The following MCF2L variants were observed in gnomAD, a reference collection of about 807,000 sequenced individuals.
The protein encoded by MCF2L is MCF.2 cell line derived transforming sequence like.
MCF2L carries 97 observed loss-of-function variants against 153.4 expected under a neutral mutation model. The ratio of observed to expected loss-of-function variants is 0.63; its 90% CI spans 0.54 to 0.75. MCF2L has a LOEUF of 0.75. MCF2L is among the 30% of genes least tolerant of loss of function. The pLI is 0.00. For missense variants in MCF2L, 1,347 were observed against 1,495.2 expected (o/e 0.90, Z 1.64); for synonymous variants, 659 against 632.2 (o/e 1.04, Z -0.64).
chr13:113,090,555 C>T, intron 26 of MCF2L: 6 of 985,190 alleles, frequency 6.1e-6, no homozygotes, highest in Non-Finnish European at 7.2e-6. Context: ...TCTTCTGGGG[C>T]ATCCACTAGT....
At chr13:112,968,436 C>T, upstream of MCF2L, 1 of 1,583,774 alleles carries the variant, frequency 6.3e-7, no homozygotes, top group Non-Finnish European at 8.5e-7. Flanking sequence ...CTGCGTGTGT[C>T]GAGTGCACAG....
At chr13:112,895,967 GGGGGGCCCCTCCCCT>G (rs1024730570) in intron 1 of MCF2L, among the ~76,000 whole-genome samples, 2 of 152,220 alleles carry the variant, frequency 1.3e-5, no homozygotes, top group African/African-American at 4.8e-5. Flanking sequence ...TGTGAAATGA[GGGGGGCCCCTCCCCT>G]GGGGGCCTGA....
chr13:113,088,017 T>A (rs144054391), intron 23 of MCF2L, among the ~76,000 whole-genome samples: 1 of 152,254 alleles, frequency 6.6e-6, no homozygotes, highest in Non-Finnish European at 1.5e-5. Context: ...AAACGGGCTC[T>A]CCCTCCCCAG....
At position 113,064,852 on chromosome 13, in the gene MCF2L, G is replaced by C. The variant is rs192102174; in HGVS notation, c.607-84G>C. On this transcript the variant is annotated intron_variant, in intron 6 of 29. Coordinates refer to ENST00000535094, the MANE Select transcript of MCF2L (RefSeq NM_001112732.3). This position sits in a 1 kb window ranked among gnomAD's most constrained non-coding sequence, Gnocchi z 6.0. ...TCACCTGATGGGTCTGTGTGGGAAC[G>C]GTTTCCGCCGGTGTCTGCTTTCAGG... 1 of 1,495,352 alleles carries C rather than the reference G, an allele frequency of 6.7e-7. No homozygotes were observed. The highest frequency in any genetic ancestry group is 9.1e-7 in the Non-Finnish European group (1 of 1,102,012). 92.6% of individuals were successfully genotyped at this position (1,495,352 alleles called of 1,614,324 possible).
intron 2 of MCF2L, chr13:112,910,535 A>G (rs531289878): frequency 6.6e-6 from 1 of 152,410 alleles, no homozygotes; most frequent in Non-Finnish European, 1.5e-5. Flanking sequence ...AACGATACAC[A>G]GTCTTCAATT....
Position 112,991,602 on chromosome 13 carries a change from A to G in MCF2L, c.79+22144A>G, listed in dbSNP as rs530352339. On this transcript the variant is annotated intron_variant, in intron 1 of 29. Transcript: ENST00000535094. ...TCAAAAATCTATCAGAAGTTTGCAA[A>G]TGATTTTATAAAGACAGACCCTCAA... Among the ~76,000 whole-genome samples the G allele has an allele frequency of 7.2e-5, 11 of 152,368 alleles. No homozygotes were observed. In the East Asian group the frequency reaches 2.1e-3, roughly 29 times the overall value.
chr13:113,061,757 T>C, intron 5 of MCF2L, among the ~76,000 whole-genome samples: 1 of 53,422 alleles, frequency 1.9e-5, no homozygotes, highest in African/African-American at 8.0e-5. Context: ...TCCCCTCCCT[T>C]CCCTCTCCCC....
At chr13:112,964,067 C>T (rs1242226199) in intron 2 of MCF2L, among the ~76,000 whole-genome samples, 2 of 147,456 alleles carry the variant, frequency 1.4e-5, no homozygotes, top group South Asian at 2.2e-4. Flanking sequence ...GAGGAGACGG[C>T]GTCCACTTGC....
intron 1 of MCF2L, among the ~76,000 whole-genome samples, chr13:113,005,070 G>A (rs370071539): frequency 3.9e-5 from 6 of 152,206 alleles, no homozygotes; most frequent in African/African-American, 9.6e-5. Flanking sequence ...CAGCCCACAC[G>A]TGGAATCGAC....
At position 113,097,258 on chromosome 13, in the gene MCF2L, C is replaced by T. The variant is rs1257389815; in HGVS notation, c.*399C>T. The T allele has an allele frequency of 5.4e-6, 1 of 184,398 alleles. No individual in the cohort carries two copies. The highest frequency in any genetic ancestry group is 2.3e-5 in the African/African-American group (1 of 42,614). 11.4% of individuals were successfully genotyped at this position (184,398 alleles called of 1,614,324 possible). On this transcript the variant is annotated 3_prime_UTR_variant, in exon 30 of 30. Coordinates refer to ENST00000535094, the MANE Select transcript of MCF2L (RefSeq NM_001112732.3). ...CTGAGGAGAGCGGGGCACGGGGTCT[C>T]TTTAGCTTTTACAAGTTTTAGGATT...
At position 113,035,889 on chromosome 13, in the gene MCF2L, C is replaced by T. The variant is rs1044898353; in HGVS notation, c.279-9382C>T. Among the ~76,000 whole-genome samples the T allele has an allele frequency of 5.3e-5, 8 of 152,166 alleles. No individual in the cohort carries two copies. The highest frequency in any genetic ancestry group is 1.7e-4 in the African/African-American group (7 of 41,424). ...GGCAGAGGCCCCTTTGGTAGTGAGT[C>T]TGTGTGACAGGCGATGGGGCCTTCC... On this transcript the variant is annotated intron_variant, in intron 3 of 29. Transcript: ENST00000535094. The surrounding 1 kb of genome is among the most constrained non-coding windows in gnomAD (Gnocchi z 4.4).
At chr13:113,000,875 C>T (rs1470327239) in intron 1 of MCF2L, among the ~76,000 whole-genome samples, 1 of 110,844 alleles carries the variant, frequency 9.0e-6, no homozygotes, top group East Asian at 2.7e-4. Context: ...CCCAGCACCC[C>T]TCCCAGGCCT....
intron 1 of MCF2L, among the ~76,000 whole-genome samples, chr13:112,989,146 G>A (rs111724491): frequency 0.33 from 2,055 of 6,186 alleles, 219 homozygotes; most frequent in Non-Finnish European, 0.52. Flanking sequence ...CTACCACACC[G>A]GAGTCCTCCC....
chr13:113,030,956 T>C (rs2085648727), intron 3 of MCF2L, among the ~76,000 whole-genome samples: 1 of 151,930 alleles, frequency 6.6e-6, no homozygotes, highest in African/African-American at 2.4e-5. Flanking sequence ...ATTGTGGCGC[T>C]GAGACAATAT....
At chr13:113,077,727 C>A (rs143228342) in intron 13 of MCF2L, among the ~76,000 whole-genome samples, 1 of 152,334 alleles carries the variant, frequency 6.6e-6, no homozygotes, top group East Asian at 1.9e-4. Flanking sequence ...CCCTCTATGC[C>A]GAGCCAGGCA....
chr13:112,944,128 G>A (rs958107479), intron 2 of MCF2L, among the ~76,000 whole-genome samples: 2 of 150,518 alleles, frequency 1.3e-5, no homozygotes, highest in Non-Finnish European at 3.0e-5. Context: ...CGTGAGGGGA[G>A]GGGAAGATCC....
chr13:113,024,654 G>T lies in MCF2L; in HGVS notation c.174G>T (p.Gly58=). The change falls in exon 3 of 30, where the codon GGG becomes GGT. Residue 58 remains glycine, a synonymous_variant. Transcript: ENST00000535094. ...CTGGTCTCTCCCCAGGTGGGCGGGG[G>T]CAGGACGGAAGCCCGGTTATCACCT... ...KRFAYLSGGR[G]QDGSPVITFP... The T allele has an allele frequency of 6.2e-7, 1 of 1,613,554 alleles. No individual in the cohort carries two copies. The highest frequency in any genetic ancestry group is 8.5e-7 in the Non-Finnish European group (1 of 1,179,564).
At chr13:113,060,786 G>C in intron 5 of MCF2L, 74 bp downstream of exon 5, 1 of 1,574,984 alleles carries the variant, frequency 6.3e-7, no homozygotes, top group Non-Finnish European at 8.6e-7. Flanking sequence ...TGTGATCATC[G>C]AAATCCTCGA....
intron 2 of MCF2L, among the ~76,000 whole-genome samples, chr13:112,923,257 C>CTTTCT (rs2081370574): frequency 1.3e-5 from 1 of 78,448 alleles, no homozygotes; most frequent in Non-Finnish European, 2.3e-5. Flanking sequence ...GTGTTTGCTT[C>CTTTCT]TTTTTTTTTT....
Sources: allele counts gnomAD v4.1 joint callset (sites outside exome capture counted in the v4.1 genomes callset), GRCh38; gene constraint gnomAD v4.1.1; non-coding constraint Gnocchi (gnomAD v3.1); transcripts MANE v1.5; gene names NCBI Gene and HGNC (gene_info 2026-07-23, HGNC 2026-07-21).